The following ASXL2 variants were observed in gnomAD, a reference collection of about 807,000 sequenced individuals.
The protein encoded by ASXL2 is putative Polycomb group protein ASXL2.
ASXL2 carries 23 observed loss-of-function variants against 122.0 expected under a neutral mutation model. The ratio of observed to expected loss-of-function variants is 0.19; its 90% CI spans 0.14 to 0.27. ASXL2 has a LOEUF of 0.27. ASXL2 is among the 10% of genes least tolerant of loss of function. The pLI, the probability that ASXL2 is intolerant of heterozygous loss-of-function variation, is 1.00. For synonymous variants in ASXL2, 650 were observed against 637.0 expected (o/e 1.02, Z -0.31); for missense variants, 1,518 against 1,713.8 (o/e 0.89, Z 2.02).
intron 3 of ASXL2, among the ~76,000 whole-genome samples, chr2:25,826,995 ATTT>A (rs34208753): frequency 7.9e-5 from 10 of 127,352 alleles, no homozygotes; most frequent in Middle Eastern, 4.0e-3. Context: ...ACAGCTAATA[ATTT>A]TTTTTTTTTT....
rs936063441 is a variant in ASXL2, at chr2:25,874,300, G to A, written c.57+3866C>T. Among the ~76,000 whole-genome samples the A allele has an allele frequency of 2.0e-5, 3 of 152,154 alleles. No homozygotes were observed. The South Asian group carries it at 6.2e-4, about 32-fold the overall frequency. The stretch of plus-strand genomic sequence containing the variant: ...GTCCAGGTGTTTCAGACCAGCCTGG[G>A]CAACATGGCGAAACCCCATCTCTAC... On this transcript the variant is annotated intron_variant, in intron 1 of 12. Coordinates refer to ENST00000435504, the MANE Select transcript of ASXL2 (RefSeq NM_018263.6).
chr2:25,869,165 C>CA lies in ASXL2; in HGVS notation c.57+9000dup, dbSNP rs566674511. Among the ~76,000 whole-genome samples, 364 of 94,662 alleles carry CA rather than the reference C, an allele frequency of 3.8e-3. 1 individual carries two copies. The highest frequency in any genetic ancestry group is 0.029 in the Middle Eastern group (4 of 140). The allele number at this position is 94,662 out of a possible 152,430, so 62.1% of individuals were successfully genotyped here. On this transcript the variant is annotated intron_variant, in intron 1 of 12. Transcript: ENST00000435504. Reference sequence around the variant, plus strand: ...GGGGGACAAGAACGAGACCTCATCTCAAAAAAAAAAAAAAATTAGCCAGGC... The same window carrying CA: ...GGGGGACAAGAACGAGACCTCATCTCAAAAAAAAAAAAAAAATTAGCCAGGC...
chr2:25,867,872 T>C (rs2089922592), intron 1 of ASXL2, among the ~76,000 whole-genome samples: 2 of 152,348 alleles, frequency 1.3e-5, no homozygotes, highest in Non-Finnish European at 2.9e-5. Flanking sequence ...ACTTTATCCA[T>C]CGTCCTAGAA....
At chr2:25,871,804 T>C (rs1204266670) in intron 1 of ASXL2, among the ~76,000 whole-genome samples, 1 of 152,184 alleles carries the variant, frequency 6.6e-6, no homozygotes, top group Non-Finnish European at 1.5e-5. Context: ...TTAAATAATA[T>C]GGCAAGAAGG....
At chr2:25,814,098 T>G (rs974099267) in intron 3 of ASXL2, among the ~76,000 whole-genome samples, 9 of 152,134 alleles carry the variant, frequency 5.9e-5, no homozygotes, top group African/African-American at 2.2e-4. Flanking sequence ...TGCCATAATA[T>G]TTTCCTTGCA....
intron 3 of ASXL2, among the ~76,000 whole-genome samples, chr2:25,815,979 T>C (rs1292131608): frequency 6.6e-6 from 1 of 152,212 alleles, no homozygotes; most frequent in Non-Finnish European, 1.5e-5. Context: ...GAGAAAAGAT[T>C]ACCCTTATGC....
intron 5 of ASXL2, among the ~76,000 whole-genome samples, chr2:25,791,075 G>C (rs1054840097): frequency 6.6e-6 from 1 of 151,980 alleles, no homozygotes; most frequent in Non-Finnish European, 1.5e-5. Context: ...GGGATTACAG[G>C]TGTGAGCCAC....
chr2:25,822,978 G>T, intron 3 of ASXL2: 1 of 506,850 alleles, frequency 2.0e-6, no homozygotes, highest in South Asian at 1.5e-5. Context: ...TGGATTTTGG[G>T]AAAGAAAAAT....
At chr2:25,842,747 T>C (rs1055588040) in intron 2 of ASXL2, among the ~76,000 whole-genome samples, 13 of 150,324 alleles carry the variant, frequency 8.6e-5, no homozygotes, top group African/African-American at 2.9e-4. Flanking sequence ...TATATATGTA[T>C]GTATGTGTGT....
At chr2:25,770,197 A>G (rs960752758) in intron 6 of ASXL2, among the ~76,000 whole-genome samples, 6 of 152,142 alleles carry the variant, frequency 3.9e-5, no homozygotes, top group Admixed American at 2.0e-4. Flanking sequence ...ATGTACATTC[A>G]TTTATTTTTT....
chr2:25,807,847 T>G (rs1239970130), intron 3 of ASXL2, among the ~76,000 whole-genome samples: 1 of 152,212 alleles, frequency 6.6e-6, no homozygotes, highest in Non-Finnish European at 1.5e-5. Flanking sequence ...ACCTGGCTTC[T>G]GTTCCCTCTT....
intron 3 of ASXL2, among the ~76,000 whole-genome samples, chr2:25,818,868 T>C (rs1388560918): frequency 6.6e-6 from 1 of 152,168 alleles, no homozygotes; most frequent in African/African-American, 2.4e-5. Context: ...TTCCTTCCCC[T>C]GTAGTGTGGG....
chr2:25,744,907 C>G lies in ASXL2; in HGVS notation c.1861-431G>C, dbSNP rs1039294671. 2.6e-5 allele frequency among the ~76,000 whole-genome samples: 4 copies of G among 150,944 alleles called. No homozygotes were observed. Among genetic ancestry groups the G allele is most frequent in the African/African-American group, 4.9e-5 (2 of 40,964 alleles). Reference sequence around the variant, plus strand: ...AGTTCTTAGCTTTACTACCAAGGTCCAGGGGAAAATACTTGCTCTTCTCTG... The same window carrying G: ...AGTTCTTAGCTTTACTACCAAGGTCGAGGGGAAAATACTTGCTCTTCTCTG... On this transcript the variant is annotated intron_variant, in intron 12 of 12. Coordinates refer to ENST00000435504, the MANE Select transcript of ASXL2 (RefSeq NM_018263.6). The surrounding 1 kb of genome is among the most constrained non-coding windows in gnomAD (Gnocchi z 4.7).
chr2:25,754,116 G>C (rs999337322), intron 10 of ASXL2, among the ~76,000 whole-genome samples: 1 of 152,076 alleles, frequency 6.6e-6, no homozygotes, highest in Non-Finnish European at 1.5e-5. Context: ...TAGCATTCGA[G>C]ATTCCAGTAA....
rs370146061 is a variant in ASXL2, at chr2:25,743,349, G to A, written c.2988C>T (p.Thr996=). 2 of 1,613,676 alleles carry A rather than the reference G, an allele frequency of 1.2e-6. No individual in the cohort carries two copies. The highest frequency in any genetic ancestry group is 2.7e-5 in the African/African-American group (2 of 74,846). Reference sequence around the variant, plus strand: ...CTCTGGTGCTATTTTCTGTTGTGTTGGTAGCTATGAGCGCTCCCATCCCCC... The same window carrying A: ...CTCTGGTGCTATTTTCTGTTGTGTTAGTAGCTATGAGCGCTCCCATCCCCC... The part of the protein sequence containing the change: ...EERGMGALIA[T]NTTENSTREE... The change falls in exon 13 of 13, where the codon ACC becomes ACT. Residue 996 remains threonine, a synonymous_variant. Transcript: ENST00000435504.
chr2:25,763,489 T>TAA (rs111512688), intron 8 of ASXL2, among the ~76,000 whole-genome samples: 1 of 138,774 alleles, frequency 7.2e-6, no homozygotes. Flanking sequence ...GACTCCATGT[T>TAA]AAAAAAAAAA....
intron 1 of ASXL2, among the ~76,000 whole-genome samples, chr2:25,861,907 A>C (rs1478483895): frequency 6.6e-6 from 1 of 152,178 alleles, no homozygotes; most frequent in Admixed American, 6.5e-5. Context: ...AACAAATCAA[A>C]CTTAACAAAG....
intron 12 of ASXL2, among the ~76,000 whole-genome samples, chr2:25,745,157 T>C (rs1039325396): frequency 6.6e-6 from 1 of 151,900 alleles, no homozygotes; most frequent in African/African-American, 2.4e-5. Context: ...TTAAAATATA[T>C]ATGCTCTGGG....
At chr2:25,825,627 T>A (rs1213493811) in intron 3 of ASXL2, among the ~76,000 whole-genome samples, 1 of 152,218 alleles carries the variant, frequency 6.6e-6, no homozygotes, top group Non-Finnish European at 1.5e-5. Context: ...TTCCTTTCTT[T>A]TTAAAGCTGA....
Sources: allele counts gnomAD v4.1 joint callset (sites outside exome capture counted in the v4.1 genomes callset), GRCh38; gene constraint gnomAD v4.1.1; non-coding constraint Gnocchi (gnomAD v3.1); transcripts MANE v1.5; gene names NCBI Gene and HGNC (gene_info 2026-07-23, HGNC 2026-07-21).